The following ITGB3 variants were observed in gnomAD, a reference collection of about 807,000 sequenced individuals.
ITGB3 encodes integrin subunit beta 3.
ITGB3 carries 48 observed loss-of-function variants against 85.8 expected under a neutral mutation model. The observed-to-expected ratio is 0.56, with a 90% CI of 0.44 to 0.71. The LOEUF is 0.71. ITGB3 is among the 30% of genes least tolerant of loss of function. The probability of loss-of-function intolerance (pLI) is 0.00; values close to 1 mark genes in which losing one functional copy is unlikely to be tolerated. For synonymous variants in ITGB3, 363 were observed against 395.6 expected (o/e 0.92, Z 0.98); for missense variants, 861 against 1,019.1 (o/e 0.84, Z 2.11).
intron 12 of ITGB3, 111 bp from the exon 13 acceptor site, chr17:47,302,610 A>C: frequency 7.5e-7 from 1 of 1,333,764 alleles, no homozygotes; most frequent in Non-Finnish European, 1.1e-6. Context: ...CACATGAGGC[A>C]CAGGGTTTCC....
chr17:47,262,254 G>C (rs1056541672), intron 1 of ITGB3, among the ~76,000 whole-genome samples: 7 of 152,318 alleles, frequency 4.6e-5, no homozygotes, highest in African/African-American at 1.7e-4. Flanking sequence ...ACATGAGCTG[G>C]GGGAGGAAGG....
chr17:47,295,592 A>G (rs556263462), intron 10 of ITGB3, among the ~76,000 whole-genome samples: 22 of 151,882 alleles, frequency 1.4e-4, no homozygotes, highest in Admixed American at 7.9e-4. Flanking sequence ...TCCACTCCCA[A>G]CCTCACTCCC....
rs1598702962 is a variant in ITGB3, at chr17:47,307,722, C to T, written c.2301+85C>T. On this transcript the variant is annotated intron_variant, in intron 14 of 14. Transcript: ENST00000559488. ...AGCAGATGCTTTGGGTGGTCATGTTCAGCCAGTACCATCGTCTTTCCATTA... is the reference window on the plus strand; with the variant it reads ...AGCAGATGCTTTGGGTGGTCATGTTTAGCCAGTACCATCGTCTTTCCATTA... 4.0e-6 allele frequency: 5 copies of T among 1,263,472 alleles called. No homozygotes were observed. In the East Asian group the frequency reaches 7.2e-5, roughly 18 times the overall value. 78.3% of individuals were successfully genotyped at this position (1,263,472 alleles called of 1,614,324 possible).
chr17:47,310,292 G>T lies in ITGB3; in HGVS notation c.*88G>T, dbSNP rs1175262261. 3.0e-6 allele frequency: 4 copies of T among 1,339,022 alleles called. No homozygotes were observed. The highest frequency in any genetic ancestry group is 4.3e-6 in the Non-Finnish European group (4 of 934,246). The allele number at this position is 1,339,022 out of a possible 1,614,324, so 82.9% of individuals were successfully genotyped here. ...CATGTTTACAGAGGACAGTATTTGT[G>T]GGGAGGGATTTGGGGCTCAGAGTGG... is the stretch of plus-strand genomic sequence containing the variant. On this transcript the variant is annotated 3_prime_UTR_variant, in exon 15 of 15. Transcript: ENST00000559488.
chr17:47,289,649 G>A (rs374651606), intron 6 of ITGB3, 32 bp from the exon 7 acceptor site: 12 of 1,479,460 alleles, frequency 8.1e-6, no homozygotes, highest in African/African-American at 4.1e-5. Context: ...TACATGAGAC[G>A]TCATTAACCT....
intron 2 of ITGB3, among the ~76,000 whole-genome samples, chr17:47,274,866 T>G (rs1048748277): frequency 6.6e-6 from 1 of 152,166 alleles, no homozygotes; most frequent in Non-Finnish European, 1.5e-5. Context: ...AGGCTGGTCT[T>G]GAACTAGACA....
chr17:47,277,729 G>C (rs1003762895), intron 2 of ITGB3, among the ~76,000 whole-genome samples: 4 of 152,204 alleles, frequency 2.6e-5, no homozygotes, highest in African/African-American at 9.7e-5. Flanking sequence ...ATAAGCCTGA[G>C]TACACCCTGG....
rs1427205682 is a variant in ITGB3 at position 47,290,976 on chromosome 17, TG to T, written c.1150del (p.Glu384LysfsTer38). ...CAGAAAATCCGTTCTAAAGTAGAGC[TG>T]GAAGTGCGTGACCTCCCTGAAGAGT... is the stretch of plus-strand genomic sequence containing the variant. Reference protein sequence around the residue: ...AYGKIRSKVELEVRDLPEELS... With the variant: ...AYGKIRSKVEXEVRDLPEELS... On this transcript the variant is annotated frameshift_variant, in exon 9 of 15. Coordinates refer to ENST00000559488, the MANE Select transcript of ITGB3 (RefSeq NM_000212.3). LOFTEE classifies it high-confidence loss of function. 1.2e-6 allele frequency: 2 copies of T among 1,614,080 alleles called. No individual in the cohort carries two copies. The highest frequency in any genetic ancestry group is 2.7e-5 in the African/African-American group (2 of 74,936).
intron 3 of ITGB3, 114 bp downstream of exon 3, chr17:47,283,663 A>G: frequency 6.9e-6 from 7 of 1,020,184 alleles, no homozygotes; most frequent in Non-Finnish European, 1.1e-5. Flanking sequence ...ATGGGGTGGG[A>G]AGACAAGGAT....
Position 47,268,478 on chromosome 17 carries a change from T to G in ITGB3, c.80-5941T>G, listed in dbSNP as rs146986068. Reference sequence around the variant, plus strand: ...GGAGGCATTGGGTAAATACAGCCATTCCAAATGGGAGAAATTGGCCAAAAC... The same window carrying G: ...GGAGGCATTGGGTAAATACAGCCATGCCAAATGGGAGAAATTGGCCAAAAC... On this transcript the variant is annotated intron_variant, in intron 1 of 14. Transcript: ENST00000559488. 4.1e-3 allele frequency among the ~76,000 whole-genome samples: 619 copies of G among 152,272 alleles called. 4 individuals carry two copies. Among genetic ancestry groups the G allele is most frequent in the Non-Finnish European group, 6.2e-3 (420 of 68,008 alleles).
chr17:47,294,325 T>C (rs1480144247), intron 10 of ITGB3, among the ~76,000 whole-genome samples: 2 of 152,180 alleles, frequency 1.3e-5, no homozygotes, highest in African/African-American at 4.8e-5. Flanking sequence ...GAGAGGGTGG[T>C]CCCAGGAGAG....
chr17:47,278,011 T>A (rs902492723), intron 2 of ITGB3, among the ~76,000 whole-genome samples: 4 of 152,214 alleles, frequency 2.6e-5, no homozygotes, highest in African/African-American at 7.2e-5. Flanking sequence ...TAAAAGGAAG[T>A]ATAATATTAA....
chr17:47,302,877 G>T, intron 13 of ITGB3, 37 bp downstream of exon 13: 1 of 1,612,372 alleles, frequency 6.2e-7, no homozygotes, highest in Non-Finnish European at 8.5e-7. Context: ...CCTGCCCCAG[G>T]AGGGAGAGGG....
chr17:47,299,596 C>A lies in ITGB3; in HGVS notation c.1913+66C>A. On this transcript the variant is annotated intron_variant, in intron 11 of 14. Coordinates refer to ENST00000559488, the MANE Select transcript of ITGB3 (RefSeq NM_000212.3). The surrounding 1 kb of genome is among the most constrained non-coding windows in gnomAD (Gnocchi z 5.1). ...AGGAGAGGATCCCCTGACTAGAATCCCCAGCTCTCCAGGTGTGTTTCTTGC... is the reference window on the plus strand; with the variant it reads ...AGGAGAGGATCCCCTGACTAGAATCACCAGCTCTCCAGGTGTGTTTCTTGC... 1 of 1,412,970 alleles carries A rather than the reference C, an allele frequency of 7.1e-7. No homozygotes were observed. Among genetic ancestry groups the A allele is most frequent in the Non-Finnish European group, 9.9e-7 (1 of 1,011,288 alleles). 87.5% of individuals were successfully genotyped at this position (1,412,970 alleles called of 1,614,324 possible).
At chr17:47,307,810 G>A (rs541024488) in intron 14 of ITGB3, among the ~76,000 whole-genome samples, 173 bp downstream of exon 14, 22 of 152,220 alleles carry the variant, frequency 1.4e-4, no homozygotes, top group African/African-American at 4.8e-4. Context: ...GCTTCCTTCA[G>A]CCTCTTAGAA....
At chr17:47,270,365 A>C (rs1314686331) in intron 1 of ITGB3, among the ~76,000 whole-genome samples, 2 of 152,214 alleles carry the variant, frequency 1.3e-5, no homozygotes, top group African/African-American at 4.8e-5. Context: ...GGAGATACTT[A>C]AAATAGTTCA....
chr17:47,254,341 C>G lies in ITGB3; in HGVS notation c.79+401C>G, dbSNP rs550884992. Among the ~76,000 whole-genome samples the G allele has an allele frequency of 2.0e-5, 3 of 152,256 alleles. No individual in the cohort carries two copies. The East Asian group carries it at 5.8e-4, about 29-fold the overall frequency. ...CGAGGTGGGGCTTCCGGGGGTTGTT[C>G]CCGCGCCTTGGCAGAGGGATGCCGC... is the stretch of plus-strand genomic sequence containing the variant. On this transcript the variant is annotated intron_variant, in intron 1 of 14. Coordinates refer to ENST00000559488, the MANE Select transcript of ITGB3 (RefSeq NM_000212.3).
chr17:47,299,207 T>C lies in ITGB3; in HGVS notation c.1691-101T>C, dbSNP rs995452776. The C allele has an allele frequency of 2.6e-6, 3 of 1,140,692 alleles. No individual in the cohort carries two copies. The highest frequency in any genetic ancestry group is 4.8e-5 in the East Asian group (2 of 41,876). The allele number at this position is 1,140,692 out of a possible 1,614,324, so 70.7% of individuals were successfully genotyped here. A position where few individuals can be genotyped will look rare whatever the true frequency, so the allele number is the denominator to read the frequency against. On this transcript the variant is annotated intron_variant, in intron 10 of 14. Transcript: ENST00000559488. This position sits in a 1 kb window ranked among gnomAD's most constrained non-coding sequence, Gnocchi z 5.1. ...ATTCCCTGCCAACCTGGAGGATCAT[T>C]ATCTGTGTGGTTGGGAGAGCAGGAT...
At chr17:47,275,113 TGTG>T (rs1015632486) in intron 2 of ITGB3, among the ~76,000 whole-genome samples, 4 of 152,148 alleles carry the variant, frequency 2.6e-5, no homozygotes, top group Admixed American at 2.6e-4. Flanking sequence ...TGTGCTTGTG[TGTG>T]GTGATGTTTA....
Sources: gnomAD v4.1 joint callset for allele counts (sites outside exome capture counted in the v4.1 genomes callset) on GRCh38, gnomAD v4.1.1 for gene constraint, Gnocchi (gnomAD v3.1) non-coding constraint, MANE v1.5 for transcripts, NCBI Gene and HGNC (gene_info 2026-07-23, HGNC 2026-07-21) for gene names.